Variants in TLE2 observed in about 807,000 individuals in gnomAD.
TLE2 encodes the protein TLE family member 2, transcriptional corepressor.
In TLE2, 74 loss-of-function variants were observed where a neutral mutation model predicts 97.2. The ratio of observed to expected loss-of-function variants is 0.76; its 90% CI spans 0.63 to 0.92. The LOEUF (loss-of-function observed/expected upper bound fraction) is 0.92, where lower values mean the gene tolerates loss of function less well. Among genes scored for constraint, TLE2 ranks in the 40% least tolerant of loss-of-function variants. The probability of loss-of-function intolerance (pLI) is 0.00; values close to 1 mark genes in which losing one functional copy is unlikely to be tolerated. For synonymous variants in TLE2, 499 were observed against 432.1 expected, an observed-to-expected ratio of 1.15 and a Z score of -1.92; for missense variants, 1,038 against 1,008.7, an observed-to-expected ratio of 1.03 and a Z score of -0.39.
At chr19:3,012,876 G>A (rs532473203) in intron 11 of TLE2, among the ~76,000 whole-genome samples, 4 of 152,336 alleles carry the variant, frequency 2.6e-5, no homozygotes, top group East Asian at 1.9e-4. Context: ...CGGCACCCGC[G>A]AGAGAGTGGA....
In TLE2 at chr19:3,029,248, G is replaced by A. The variant is rs867862345; in HGVS notation, c.-344C>T. 2.0e-3 allele frequency: 499 copies of A among 244,238 alleles called. 4 individuals carry two copies. Among genetic ancestry groups the A allele is most frequent in the African/African-American group, 0.011 (470 of 42,054 alleles). 15.1% of individuals were successfully genotyped at this position (244,238 alleles called of 1,614,324 possible). ...GGCGGCGGCGCGGGCGGCGGGCCCC[G>A]CGCGGAGCCGCCTCCCTCCGGCGGG... On this transcript the variant is annotated 5_prime_UTR_variant, in exon 1 of 20. Transcript: ENST00000262953.
chr19:3,041,255 G>C (rs1244574511), intron 1 of TLE2, among the ~76,000 whole-genome samples: 2 of 151,304 alleles, frequency 1.3e-5, no homozygotes, highest in Non-Finnish European at 2.9e-5. Context: ...TTGAACTCTT[G>C]ACCTCAAATT....
rs763590947 is a variant in TLE2, at chr19:3,013,725, C to T, written c.817G>A (p.Ala273Thr). ...PARRDLVDSPASLASSLGSPL... is the reference protein window; with the variant it reads ...PARRDLVDSPTSLASSLGSPL... Reference sequence around the variant, plus strand: ...GAGCCAAGGCTAGAGGCCAAGGAGGCTGGACTGTCCACCAGGTCCCGACGG... The same window carrying T: ...GAGCCAAGGCTAGAGGCCAAGGAGGTTGGACTGTCCACCAGGTCCCGACGG... Residue 273 changes from alanine (A) to threonine (T), a missense_variant, in exon 11 of 20, where the codon GCC becomes ACC. Ala to Thr is a moderately conservative substitution (Grantham distance 58). Coordinates refer to ENST00000262953, the MANE Select transcript of TLE2 (RefSeq NM_003260.5). 1.7e-5 allele frequency: 27 copies of T among 1,555,660 alleles called. No homozygotes were observed. The highest frequency in any genetic ancestry group is 1.7e-4 in the Middle Eastern group (1 of 5,922).
chr19:3,011,907 A>C (rs2089605762), intron 11 of TLE2, among the ~76,000 whole-genome samples: 1 of 151,806 alleles, frequency 6.6e-6, no homozygotes, highest in South Asian at 2.1e-4. Flanking sequence ...GGCTGTCAAG[A>C]TTTGCAATTC....
chr19:3,006,424 C>G lies in TLE2; in HGVS notation c.1496G>C (p.Cys499Ser), dbSNP rs1293045341. ...ACTGTCCCACCCCGCCCTCACCAGG[C>G]AGTCGAGCTGGGCCACGGGCGTCTT... is the stretch of plus-strand genomic sequence containing the variant. The part of the protein sequence containing the change: ...GAKTPVAQLD[C>S]LNRDNYIRSC... The change falls in exon 15 of 20, where the codon TGC becomes TCC. Residue 499 changes from cysteine (C) to serine (S), a missense_variant. By Grantham distance (112) the Cys-to-Ser change is moderately radical (BLOSUM62 -1). Coordinates refer to ENST00000262953, the MANE Select transcript of TLE2 (RefSeq NM_003260.5). 3.1e-6 allele frequency: 5 copies of G among 1,609,788 alleles called. No individual in the cohort carries two copies. The highest frequency in any genetic ancestry group is 4.2e-6 in the Non-Finnish European group (5 of 1,179,314).
chr19:3,001,389 ACAGGTGTGAGC>A (rs1179040865), intron 18 of TLE2, among the ~76,000 whole-genome samples: 1 of 152,112 alleles, frequency 6.6e-6, no homozygotes, highest in Non-Finnish European at 1.5e-5. Context: ...TGCTGGGATT[ACAGGTGTGAGC>A]CACTGTGCCC....
upstream of TLE2, among the ~76,000 whole-genome samples, chr19:3,046,286 C>G (rs2090140322): frequency 6.6e-6 from 1 of 152,214 alleles, no homozygotes; most frequent in Non-Finnish European, 1.5e-5. Context: ...CCCAAGACTG[C>G]CTGAAGGGCA....
intron 1 of TLE2, among the ~76,000 whole-genome samples, chr19:3,038,023 G>A (rs533618158): frequency 6.6e-6 from 1 of 152,082 alleles, no homozygotes; most frequent in Non-Finnish European, 1.5e-5. Flanking sequence ...TCAGGAGGCT[G>A]AGGCAGGAGA....
rs758388109 is a variant in TLE2 at position 3,002,489 on chromosome 19, G to A, written c.1911C>T (p.Gly637=). ...HDFSSQIFSL[G]HCPNQDWLAV... Reference sequence around the variant, plus strand: ...CCAGCCAGTCCTGGTTAGGGCAGTGGCCCAGGGAGAAAATCTGGGGGTAAA... The same window carrying A: ...CCAGCCAGTCCTGGTTAGGGCAGTGACCCAGGGAGAAAATCTGGGGGTAAA... Residue 637 remains glycine (G), a synonymous_variant, in exon 18 of 20, where the codon GGC becomes GGT. Coordinates refer to ENST00000262953, the MANE Select transcript of TLE2 (RefSeq NM_003260.5). The A allele has an allele frequency of 3.2e-6, 5 of 1,579,152 alleles. No homozygotes were observed. The highest frequency in any genetic ancestry group is 2.7e-5 in the African/African-American group (2 of 74,030).
Position 3,015,576 on chromosome 19 carries a change from G to A in TLE2, c.678+77C>T. 2 of 1,169,512 alleles carry A rather than the reference G, an allele frequency of 1.7e-6. 1 individual carries two copies. Among genetic ancestry groups the A allele is most frequent in the South Asian group, 2.6e-5 (2 of 76,786 alleles). 72.4% of individuals were successfully genotyped at this position (1,169,512 alleles called of 1,614,324 possible). A position where few individuals can be genotyped will look rare whatever the true frequency, so the allele number is the denominator to read the frequency against. ...GTGAGAGAATTATGGCCAGAGCTGG[G>A]CTCTGGAAGGCTCTGAGGGGCCAGG... On this transcript the variant is annotated intron_variant, in intron 9 of 19. Transcript: ENST00000262953.
At chr19:3,000,398 T>A (rs913779326) in intron 19 of TLE2, among the ~76,000 whole-genome samples, 1 of 152,020 alleles carries the variant, frequency 6.6e-6, no homozygotes, top group Non-Finnish European at 1.5e-5. Context: ...TTTTATAATA[T>A]TATATGCATG....
intron 1 of TLE2, among the ~76,000 whole-genome samples, chr19:3,040,519 T>G (rs2090092566): frequency 6.6e-6 from 1 of 152,012 alleles, no homozygotes; most frequent in Non-Finnish European, 1.5e-5. Flanking sequence ...TTTTGTATTT[T>G]TAGTAGATGG....
Position 3,019,791 on chromosome 19 carries a change from T to A in TLE2, c.295-18A>T. Reference sequence around the variant, plus strand: ...TGCTGATGCTGGCGGGTGGAAGGGATCAGGTAGAGGGTACATTGAGCCCCT... The same window carrying A: ...TGCTGATGCTGGCGGGTGGAAGGGAACAGGTAGAGGGTACATTGAGCCCCT... On this transcript the variant is annotated intron_variant, in intron 5 of 19. Transcript: ENST00000262953. The surrounding 1 kb of genome is among the most constrained non-coding windows in gnomAD (Gnocchi z 5.1). 6.2e-7 allele frequency: 1 copy of A among 1,608,612 alleles called. No homozygotes were observed. The highest frequency in any genetic ancestry group is 1.1e-5 in the South Asian group (1 of 89,962).
At chr19:3,037,911 C>T in intron 1 of TLE2, among the ~76,000 whole-genome samples, 1 of 152,110 alleles carries the variant, frequency 6.6e-6, no homozygotes, top group Middle Eastern at 3.2e-3. Context: ...CACCTGAGGT[C>T]AGGAGTTCGA....
In TLE2 at chr19:3,022,072, G is replaced by A. The variant is rs576592467; in HGVS notation, c.295-2299C>T. Among the ~76,000 whole-genome samples, 13 of 151,504 alleles carry A rather than the reference G, an allele frequency of 8.6e-5. No individual in the cohort carries two copies. The South Asian group carries it at 1.3e-3, about 15-fold the overall frequency. ...TTATACATATATACTTATTTAAGCC[G>A]GAGTCTCACTCTGTCGCACAGGCTG... On this transcript the variant is annotated intron_variant, in intron 5 of 19. Coordinates refer to ENST00000262953, the MANE Select transcript of TLE2 (RefSeq NM_003260.5).
chr19:3,021,372 C>A (rs1227261006), intron 5 of TLE2, among the ~76,000 whole-genome samples: 4 of 151,564 alleles, frequency 2.6e-5, no homozygotes, highest in African/African-American at 7.3e-5. Context: ...GCCATGCACT[C>A]CCGCCTGGGT....
chr19:3,024,770 G>A (rs1020669156), intron 5 of TLE2, among the ~76,000 whole-genome samples: 1 of 152,210 alleles, frequency 6.6e-6, no homozygotes, highest in African/African-American at 2.4e-5. Context: ...TCTATGCCTT[G>A]CTTCCCATCA....
At chr19:3,044,024 G>A (rs1409464222) in intron 1 of TLE2, among the ~76,000 whole-genome samples, 1 of 150,672 alleles carries the variant, frequency 6.6e-6, no homozygotes, top group Non-Finnish European at 1.5e-5. Context: ...AATACAAAAG[G>A]TAGCCAGGCG....
In TLE2 at chr19:3,025,360, C is replaced by T. The variant is rs1568248724; in HGVS notation, c.232-278G>A. ...ACAGATACACCACCCGCCAGACGCA[C>T]ACCCGCCAGGGATTTGCAGGAGGCA... On this transcript the variant is annotated intron_variant, in intron 4 of 19. Coordinates refer to ENST00000262953, the MANE Select transcript of TLE2 (RefSeq NM_003260.5). The T allele has an allele frequency of 6.5e-6, 8 of 1,229,608 alleles. No individual in the cohort carries two copies. In the East Asian group the frequency reaches 1.8e-4, roughly 27 times the overall value. 76.2% of individuals were successfully genotyped at this position (1,229,608 alleles called of 1,614,324 possible).
Sources: gnomAD v4.1 joint callset for allele counts (sites outside exome capture counted in the v4.1 genomes callset) on GRCh38, gnomAD v4.1.1 for gene constraint, Gnocchi (gnomAD v3.1) non-coding constraint, MANE v1.5 for transcripts, NCBI Gene and HGNC (gene_info 2026-07-23, HGNC 2026-07-21) for gene names.